UBA6: variants seen among roughly 807,000 people sequenced by gnomAD.
UBA6 encodes the protein ubiquitin-like modifier-activating enzyme 6.
In UBA6, 87 loss-of-function variants were observed where a neutral mutation model predicts 148.3. That is an observed-to-expected ratio of 0.59 (90% CI 0.49 to 0.70). The LOEUF is 0.70. Ranked by LOEUF, UBA6 falls within the 30% of genes least tolerant of loss-of-function variation. The probability of loss-of-function intolerance (pLI) is 0.00; values close to 1 mark genes in which losing one functional copy is unlikely to be tolerated. For synonymous variants in UBA6, 376 were observed against 401.0 expected (o/e 0.94, Z 0.75); for missense variants, 1,186 against 1,241.2 (o/e 0.96, Z 0.67).
rs927640592 is a variant in UBA6 at position 67,623,121 on chromosome 4, C to T, written c.2928+14G>A. 7 of 1,594,692 alleles carry T rather than the reference C, an allele frequency of 4.4e-6. No individual in the cohort carries two copies. Among genetic ancestry groups the T allele is most frequent in the Non-Finnish European group, 6.0e-6 (7 of 1,166,026 alleles). ...TAAAGCTACTAATGAACTAAATGAA[C>T]AAAAGTATCTCACTTTGACTGCATT... On this transcript the variant is annotated intron_variant, in intron 31 of 32. Coordinates refer to ENST00000322244, the MANE Select transcript of UBA6 (RefSeq NM_018227.6).
rs1194957739 is a variant in UBA6, at chr4:67,618,054, C to CA, written c.*942dup. On this transcript the variant is annotated 3_prime_UTR_variant, in exon 33 of 33. Transcript: ENST00000322244. ...GTTTAAAAAAAAAAAACAAAAAAAA[C>CA]ACAAAATTTAATACCCTAATTAGGT... The CA allele has an allele frequency of 3.0e-5, 4 of 134,110 alleles. No homozygotes were observed. The highest frequency in any genetic ancestry group is 8.2e-5 in the African/African-American group (3 of 36,716). The allele number at this position is 134,110 out of a possible 1,614,324, so 8.3% of individuals were successfully genotyped here.
chr4:67,680,262 C>G (rs72642384), intron 4 of UBA6, among the ~76,000 whole-genome samples: 13 of 151,966 alleles, frequency 8.6e-5, no homozygotes, highest in Non-Finnish European at 1.5e-5. Context: ...AATAATGAAT[C>G]TAGGCAATAA....
At chr4:67,646,925 A>G (rs1328354378) in intron 14 of UBA6, 134 bp from the exon 15 acceptor site, 1 of 253,796 alleles carries the variant, frequency 3.9e-6, no homozygotes, top group South Asian at 1.4e-4. Flanking sequence ...AAATATTTAA[A>G]AATATAATTA....
At chr4:67,626,235 G>A in intron 28 of UBA6, 125 bp downstream of exon 28, 1 of 661,868 alleles carries the variant, frequency 1.5e-6, no homozygotes, top group Non-Finnish European at 2.7e-6. Flanking sequence ...ATATGATCAT[G>A]AAATCAATCA....
intron 2 of UBA6, among the ~76,000 whole-genome samples, chr4:67,686,174 C>T (rs1446700421): frequency 6.6e-6 from 1 of 152,122 alleles, no homozygotes; most frequent in African/African-American, 2.4e-5. Flanking sequence ...ACAACATCTC[C>T]CTATAGTTTT....
chr4:67,644,609 T>C (rs1004560383), intron 17 of UBA6, 89 bp downstream of exon 17: 30 of 719,526 alleles, frequency 4.2e-5, no homozygotes, highest in Non-Finnish European at 6.2e-5. Context: ...TTCAAAAAAC[T>C]GATACTTCAG....
intron 15 of UBA6, 80 bp from the exon 16 acceptor site, chr4:67,646,096 G>A (rs1364259131): frequency 1.4e-6 from 1 of 727,496 alleles, no homozygotes; most frequent in Non-Finnish European, 2.2e-6. Flanking sequence ...CCAATTTAAT[G>A]TTGTACTTTA....
intron 7 of UBA6, among the ~76,000 whole-genome samples, chr4:67,672,631 T>G (rs1467221971): frequency 6.6e-6 from 1 of 152,186 alleles, no homozygotes; most frequent in Non-Finnish European, 1.5e-5. Flanking sequence ...AAACTAATCT[T>G]CTGGTATATT....
rs1272058859 is a variant in UBA6, at chr4:67,614,613, G to T, written c.*4384C>A. On this transcript the variant is annotated 3_prime_UTR_variant, in exon 33 of 33. Transcript: ENST00000322244. ...TTTAAATATGAAAGGCAAAACTAAA[G>T]CTTTAAGAAGACGATATATAAGACT... 6.6e-6 allele frequency: 1 copy of T among 152,124 alleles called. No homozygotes were observed. The highest frequency in any genetic ancestry group is 2.4e-5 in the African/African-American group (1 of 41,434). 9.4% of individuals were successfully genotyped at this position (152,124 alleles called of 1,614,324 possible). A position where few individuals can be genotyped will look rare whatever the true frequency, so the allele number is the denominator to read the frequency against.
intron 4 of UBA6, among the ~76,000 whole-genome samples, chr4:67,679,538 T>C (rs1730379938): frequency 6.6e-6 from 1 of 152,012 alleles, no homozygotes; most frequent in African/African-American, 2.4e-5. Context: ...CAAATCCAGG[T>C]AGGATCAAAA....
intron 9 of UBA6, among the ~76,000 whole-genome samples, chr4:67,666,424 C>T (rs1729997485): frequency 6.6e-6 from 1 of 150,702 alleles, no homozygotes; most frequent in African/African-American, 2.4e-5. Context: ...ATAAAGTAGA[C>T]AGAATGGTCA....
chr4:67,626,175 G>A (rs1218190546), intron 28 of UBA6, among the ~76,000 whole-genome samples, 185 bp downstream of exon 28: 1 of 151,978 alleles, frequency 6.6e-6, no homozygotes, highest in Non-Finnish European at 1.5e-5. Flanking sequence ...TAGGGCAATA[G>A]TGGGGAAGAT....
chr4:67,664,382 A>C (rs530657784), intron 10 of UBA6, among the ~76,000 whole-genome samples: 1 of 152,222 alleles, frequency 6.6e-6, no homozygotes, highest in South Asian at 2.1e-4. Flanking sequence ...TAAAAATTGG[A>C]GACAAAACAT....
At chr4:67,685,289 C>G (rs1454461079) in intron 2 of UBA6, among the ~76,000 whole-genome samples, 11 of 152,148 alleles carry the variant, frequency 7.2e-5, no homozygotes, top group Non-Finnish European at 1.5e-4. Flanking sequence ...GATAAATGAT[C>G]TTTCTGAAAC....
intron 19 of UBA6, chr4:67,638,360 C>T (rs1342801959): frequency 6.3e-6 from 1 of 158,984 alleles, no homozygotes; most frequent in Non-Finnish European, 1.4e-5. Flanking sequence ...ACCTAAGTAG[C>T]TTTGTGGTTT....
intron 26 of UBA6, among the ~76,000 whole-genome samples, chr4:67,630,217 T>C (rs963941903): frequency 6.6e-5 from 10 of 152,196 alleles, no homozygotes; most frequent in Admixed American, 4.6e-4. Context: ...AAACAAAGTT[T>C]AACTGCTTTT....
At chr4:67,652,317 T>A (rs539954431) in intron 13 of UBA6, among the ~76,000 whole-genome samples, 3 of 152,162 alleles carry the variant, frequency 2.0e-5, no homozygotes, top group African/African-American at 7.2e-5. Context: ...GACATATGAA[T>A]GGCAAATAAG....
chr4:67,643,769 T>C (rs1012861118), intron 17 of UBA6, among the ~76,000 whole-genome samples: 5 of 152,094 alleles, frequency 3.3e-5, no homozygotes, highest in African/African-American at 1.2e-4. Context: ...TATCTTGTTT[T>C]GTTATCTGAA....
Position 67,696,663 on chromosome 4 carries a change from A to G in UBA6, c.116T>C (p.Ile39Thr). ...LPIMSTASVE[I>T]DDALYSRQRY... ...TTCTTACCTATACAATGCATCATCG[A>G]TTTCCACAGATGCTGTTGACATAAT... Residue 39 changes from isoleucine (I) to threonine (T), a missense_variant, in exon 2 of 33, where the codon ATC becomes ACC. Physicochemically the swap from Ile to Thr is moderately conservative, Grantham distance 89. Coordinates refer to ENST00000322244, the MANE Select transcript of UBA6 (RefSeq NM_018227.6). 1 of 1,608,012 alleles carries G rather than the reference A, an allele frequency of 6.2e-7. No individual in the cohort carries two copies. Among genetic ancestry groups the G allele is most frequent in the South Asian group, 1.1e-5 (1 of 89,498 alleles).
Sources: gnomAD v4.1 joint callset for allele counts (sites outside exome capture counted in the v4.1 genomes callset) on GRCh38, gnomAD v4.1.1 for gene constraint, MANE v1.5 for transcripts, NCBI Gene and HGNC (gene_info 2026-07-23, HGNC 2026-07-21) for gene names.